The following NFRKB variants were observed in gnomAD, a reference collection of about 807,000 sequenced individuals.
The protein encoded by NFRKB is nuclear factor related to kappaB binding protein.
NFRKB carries 62 observed loss-of-function variants against 135.7 expected under a neutral mutation model. That is an observed-to-expected ratio of 0.46 (90% CI 0.37 to 0.56). The LOEUF is 0.56. Ranked by LOEUF, NFRKB falls within the 20% of genes least tolerant of loss-of-function variation. The pLI, the probability that NFRKB is intolerant of heterozygous loss-of-function variation, is 0.00. For missense variants in NFRKB, 1,545 were observed against 1,662.0 expected (o/e 0.93, Z 1.22); for synonymous variants, 678 against 635.6 (o/e 1.07, Z -1.00).
At position 129,886,228 on chromosome 11, in the gene NFRKB, A is replaced by T. The variant is rs779859923; in HGVS notation, c.465+89T>A. ...TTGGTAGCATTTTTTTCTTCGTGGC[A>T]ATTTTTGTGTTTTGCACCTGAATTG... On this transcript the variant is annotated intron_variant, in intron 5 of 26. Transcript: ENST00000682444. 636 of 1,476,808 alleles carry T rather than the reference A, an allele frequency of 4.3e-4. 1 individual carries two copies. Among genetic ancestry groups the T allele is most frequent in the Non-Finnish European group, 5.2e-4 (564 of 1,090,732 alleles). 91.5% of individuals were successfully genotyped at this position (1,476,808 alleles called of 1,614,324 possible).
At chr11:129,875,329 A>G in intron 18 of NFRKB, 28 bp downstream of exon 18, 3 of 1,552,194 alleles carry the variant, frequency 1.9e-6, no homozygotes, top group Non-Finnish European at 2.6e-6. Flanking sequence ...TCTGGAACAA[A>G]GCAAAAGTAA....
chr11:129,870,105 G>C lies in NFRKB; in HGVS notation c.2920C>G (p.Pro974Ala), dbSNP rs1565392603. Reference protein sequence around the residue: ...AKGQTVLRITPDMMATLAKSQ... With the variant: ...AKGQTVLRITADMMATLAKSQ... ...TTGGCCAATGTGGCCATCATGTCCG[G>C]AGTGATTCGCAGAACCGTCTGGCCC... is the stretch of plus-strand genomic sequence containing the variant. The change falls in exon 24 of 27, where the codon CCG becomes GCG. Residue 974 changes from proline to alanine, a missense_variant. Physicochemically the swap from Pro to Ala is conservative, Grantham distance 27 (BLOSUM62 -1). Transcript: ENST00000682444. 6.2e-7 allele frequency: 1 copy of C among 1,614,258 alleles called. No homozygotes were observed. Among genetic ancestry groups the C allele is most frequent in the South Asian group, 1.1e-5 (1 of 91,090 alleles).
At position 129,874,039 on chromosome 11, in the gene NFRKB, C is replaced by CA. The variant is rs780276471; in HGVS notation, c.2280-25dup. Reference sequence around the variant, plus strand: ...CACTATGAAGAACATCGGGGAAAGACAAAAAACAAAAACTTAGGACATGCA... The same window carrying CA: ...CACTATGAAGAACATCGGGGAAAGACAAAAAAACAAAAACTTAGGACATGCA... On this transcript the variant is annotated intron_variant, in intron 21 of 26. Coordinates refer to ENST00000682444, the MANE Select transcript of NFRKB (RefSeq NM_001143835.2). The surrounding 1 kb of genome is among the most constrained non-coding windows in gnomAD (Gnocchi z 4.5). The CA allele has an allele frequency of 1.3e-5, 21 of 1,597,184 alleles. No homozygotes were observed. Among genetic ancestry groups the CA allele is most frequent in the Non-Finnish European group, 1.7e-5 (20 of 1,169,568 alleles).
intron 25 of NFRKB, 37 bp from the exon 26 acceptor site, chr11:129,865,138 C>G (rs202051889): frequency 2.5e-6 from 4 of 1,589,036 alleles, no homozygotes; most frequent in South Asian, 2.2e-5. Context: ...ATAATGATAT[C>G]GACAGGTATT....
At chr11:129,876,435 T>TA (rs1429379249) in intron 17 of NFRKB, among the ~76,000 whole-genome samples, 2 of 152,204 alleles carry the variant, frequency 1.3e-5, no homozygotes, top group South Asian at 4.1e-4. Flanking sequence ...TCCTCACTGT[T>TA]AAATGAAGCA....
At chr11:129,884,560 G>A (rs1014891680) in intron 7 of NFRKB, among the ~76,000 whole-genome samples, 185 bp downstream of exon 7, 19 of 152,196 alleles carry the variant, frequency 1.2e-4, no homozygotes, top group Non-Finnish European at 2.6e-4. Flanking sequence ...AAAAAAGGCA[G>A]GCCTATCTCC....
intron 1 of NFRKB, among the ~76,000 whole-genome samples, chr11:129,894,714 C>T (rs1949698174): frequency 6.6e-6 from 1 of 152,236 alleles, no homozygotes; most frequent in African/African-American, 2.4e-5. Flanking sequence ...ACATCCTCAT[C>T]ATGCCTATGC....
chr11:129,890,029 G>GTTTTTTT (rs371082832), intron 3 of NFRKB, among the ~76,000 whole-genome samples: 1 of 134,250 alleles, frequency 7.4e-6, no homozygotes, highest in African/African-American at 2.8e-5. Context: ...GGGTTTTTTT[G>GTTTTTTT]TTTTTTTTTT....
rs757050627 is a variant in NFRKB at position 129,874,238 on chromosome 11, G to C, written c.2154C>G (p.Thr718=). 5 of 1,518,282 alleles carry C rather than the reference G, an allele frequency of 3.3e-6. No individual in the cohort carries two copies. The African/African-American group carries it at 7.0e-5, about 21-fold the overall frequency. The allele number at this position is 1,518,282 out of a possible 1,614,324, so 94.1% of individuals were successfully genotyped here. ...MSLSDSSMPP[T]PVTPVTPTTP... is the part of the protein sequence containing the mutation. ...TGGTGGGGGTTACAGGTGTGACTGG[G>C]GTGGGTGGCATACTGGAGTCACTGA... Residue 718 remains threonine, a synonymous_variant, in exon 21 of 27, where the codon ACC becomes ACG. Transcript: ENST00000682444. The surrounding 1 kb of genome is among the most constrained non-coding windows in gnomAD (Gnocchi z 4.5).
chr11:129,884,498 G>C (rs1403779697), intron 7 of NFRKB, among the ~76,000 whole-genome samples: 3 of 152,128 alleles, frequency 2.0e-5, no homozygotes, highest in African/African-American at 7.2e-5. Context: ...TCAAGATTTT[G>C]CTTTCTTTAG....
At chr11:129,867,536 C>T (rs946257720) in intron 24 of NFRKB, among the ~76,000 whole-genome samples, 4 of 152,142 alleles carry the variant, frequency 2.6e-5, no homozygotes, top group Middle Eastern at 3.4e-3. Flanking sequence ...AGGCTGGTCT[C>T]GAACTCCTGA....
chr11:129,881,917 T>G, intron 11 of NFRKB, 64 bp from the exon 12 acceptor site: 1 of 1,543,502 alleles, frequency 6.5e-7, no homozygotes. Flanking sequence ...TCCACACAAG[T>G]GCCACCACAA....
chr11:129,865,247 G>T (rs1948136252), intron 25 of NFRKB, 146 bp from the exon 26 acceptor site: 1 of 892,376 alleles, frequency 1.1e-6, no homozygotes, highest in South Asian at 1.7e-5. Flanking sequence ...CAACTGCTGA[G>T]ACCACCTTTC....
Position 129,869,781 on chromosome 11 carries a change from C to T in NFRKB, c.3244G>A (p.Ala1082Thr). 1 of 1,614,256 alleles carries T rather than the reference C, an allele frequency of 6.2e-7. No individual in the cohort carries two copies. Among genetic ancestry groups the T allele is most frequent in the South Asian group, 1.1e-5 (1 of 91,088 alleles). The stretch of plus-strand genomic sequence containing the variant: ...ATGCGGATCGTGGCAGCTGGTTTTG[C>T]TTCTGAAGAGGCCACTGTGCTTTTT... Reference protein sequence around the residue: ...KGKSTVASSEAKPAATIRIVQ... With the variant: ...KGKSTVASSETKPAATIRIVQ... The change falls in exon 24 of 27, where the codon GCA becomes ACA. Residue 1082 changes from alanine to threonine, a missense_variant. Around this residue, in one of 3 missense-constraint regions of NFRKB, gnomAD observed 753 missense variants for 804.3 expected, o/e 0.94. Transcript: ENST00000682444.
At chr11:129,882,344 C>G (rs532543963) in intron 10 of NFRKB, 107 bp downstream of exon 10, 1 of 1,408,872 alleles carries the variant, frequency 7.1e-7, no homozygotes, top group Non-Finnish European at 9.7e-7. Context: ...GACTTCAGGT[C>G]TACAAGTCCA....
At position 129,874,264 on chromosome 11, in the gene NFRKB, G is replaced by A; in HGVS notation, c.2128C>T (p.Leu710Phe). The change falls in exon 21 of 27, where the codon CTC becomes TTC. Residue 710 changes from leucine to phenylalanine, a missense_variant. Transcript: ENST00000682444. This position sits in a 1 kb window ranked among gnomAD's most constrained non-coding sequence, Gnocchi z 4.5. Reference protein sequence around the residue: ...SGPSEQSQMSLSDSSMPPTPV... With the variant: ...SGPSEQSQMSFSDSSMPPTPV... ...GTGGGTGGCATACTGGAGTCACTGA[G>A]GCTCATCTGGCTCTGCTCAGAAGGG... is the stretch of plus-strand genomic sequence containing the variant. The A allele has an allele frequency of 1.3e-6, 2 of 1,516,736 alleles. No homozygotes were observed. Among genetic ancestry groups the A allele is most frequent in the Non-Finnish European group, 8.8e-7 (1 of 1,134,688 alleles). The allele number at this position is 1,516,736 out of a possible 1,614,324, so 94.0% of individuals were successfully genotyped here.
chr11:129,874,060 A>G lies in NFRKB; in HGVS notation c.2280-45T>C, dbSNP rs775598817. 1 of 1,597,844 alleles carries G rather than the reference A, an allele frequency of 6.3e-7. No individual in the cohort carries two copies. The highest frequency in any genetic ancestry group is 8.6e-7 in the Non-Finnish European group (1 of 1,168,912). On this transcript the variant is annotated intron_variant, in intron 21 of 26. Transcript: ENST00000682444. This position sits in a 1 kb window ranked among gnomAD's most constrained non-coding sequence, Gnocchi z 4.5. ...AAGACAAAAAACAAAAACTTAGGAC[A>G]TGCATACAAAAGAACTCTAGAACGA... is the stretch of plus-strand genomic sequence containing the variant.
chr11:129,885,422 C>G lies in NFRKB; in HGVS notation c.640+13G>C. 1.9e-6 allele frequency: 3 copies of G among 1,592,090 alleles called. No individual in the cohort carries two copies. The highest frequency in any genetic ancestry group is 1.7e-4 in the Middle Eastern group (1 of 5,988). On this transcript the variant is annotated intron_variant, in intron 6 of 26. Coordinates refer to ENST00000682444, the MANE Select transcript of NFRKB (RefSeq NM_001143835.2). Reference sequence around the variant, plus strand: ...CAATACCCCAGCTACCCCAAGTGCCCGAGGACACTCACCCTCTTCATCAGA... The same window carrying G: ...CAATACCCCAGCTACCCCAAGTGCCGGAGGACACTCACCCTCTTCATCAGA...
chr11:129,882,133 G>A lies in NFRKB; in HGVS notation c.1144C>T (p.Leu382Phe), dbSNP rs201205390. Residue 382 changes from leucine (L) to phenylalanine (F), a missense_variant, in exon 11 of 27, where the codon CTT (leucine) becomes TTT (phenylalanine). Around this residue, in one of 3 missense-constraint regions of NFRKB, gnomAD observed 678 missense variants for 646.7 expected, o/e 1.05. Transcript: ENST00000682444. Reference protein sequence around the residue: ...INEISSSFFSLLLEILLLESQ... With the variant: ...INEISSSFFSFLLEILLLESQ... ...TCCAGCAGCAAGATCTCTAATAGAA[G>A]AGAGAAGAAGCTGGAAGATATTTCA... 58 of 1,613,522 alleles carry A rather than the reference G, an allele frequency of 3.6e-5. No homozygotes were observed. The highest frequency in any genetic ancestry group is 1.6e-4 in the Middle Eastern group (1 of 6,076).
Sources: allele counts gnomAD v4.1 joint callset (sites outside exome capture counted in the v4.1 genomes callset), GRCh38; gene constraint gnomAD v4.1.1; regional missense constraint gnomAD v4.1.1; non-coding constraint Gnocchi (gnomAD v3.1); transcripts MANE v1.5; gene names NCBI Gene and HGNC (gene_info 2026-07-23, HGNC 2026-07-21).